The following ADGRE2 variants were observed in gnomAD, a reference collection of about 807,000 sequenced individuals.
ADGRE2 encodes the protein CD97 antigen.
A neutral mutation model predicts 100.8 loss-of-function variants in ADGRE2; 83 were observed. That is an observed-to-expected ratio of 0.82 (90% CI 0.69 to 0.99). ADGRE2 has a LOEUF of 0.99. Ranked by LOEUF, ADGRE2 falls within the 50% of genes least tolerant of loss-of-function variation. The pLI, the probability that ADGRE2 is intolerant of heterozygous loss-of-function variation, is 0.00. For synonymous variants in ADGRE2, 355 were observed against 413.0 expected, an observed-to-expected ratio of 0.86 and a Z score of 1.70; for missense variants, 814 against 1,035.7, an observed-to-expected ratio of 0.79 and a Z score of 2.94.
chr19:14,726,839 C>T, the ADGRE2 span, among the ~76,000 whole-genome samples: 1 of 152,140 alleles, frequency 6.6e-6, no homozygotes, highest in African/African-American at 2.4e-5. Flanking sequence ...TTTAACCAGT[C>T]TCCAAGAAGT....
At chr19:14,775,394 A>C (rs765192061) in intron 2 of ADGRE2, among the ~76,000 whole-genome samples, 2 of 151,656 alleles carry the variant, frequency 1.3e-5, no homozygotes, top group Non-Finnish European at 2.9e-5. Context: ...GCCTCAAGCG[A>C]TCCTCCTGCC....
At position 14,734,040 on chromosome 19, in the gene ADGRE2, A is replaced by G. The variant is rs1356102402; in HGVS notation, c.*2196T>C. Reference sequence around the variant, plus strand: ...CTGAGTTGACAAAGCAATGCTCTGTAATGTTTTGGTTCTTATAAAAAGGTG... The same window carrying G: ...CTGAGTTGACAAAGCAATGCTCTGTGATGTTTTGGTTCTTATAAAAAGGTG... On this transcript the variant is annotated 3_prime_UTR_variant, in exon 21 of 21. Coordinates refer to ENST00000315576, the MANE Select transcript of ADGRE2 (RefSeq NM_013447.4). 1 of 152,180 alleles carries G rather than the reference A, an allele frequency of 6.6e-6. No individual in the cohort carries two copies. The highest frequency in any genetic ancestry group is 1.5e-5 in the Non-Finnish European group (1 of 68,086). 9.4% of individuals were successfully genotyped at this position (152,180 alleles called of 1,614,324 possible). A position where few individuals can be genotyped will look rare whatever the true frequency, so the allele number is the denominator to read the frequency against.
chr19:14,728,463 G>A (rs896583972), downstream of ADGRE2, among the ~76,000 whole-genome samples: 1 of 152,090 alleles, frequency 6.6e-6, no homozygotes, highest in Admixed American at 6.6e-5. Context: ...TTTTTAAATG[G>A]TCATGTTATC....
chr19:14,749,888 T>C lies in ADGRE2; in HGVS notation c.2024+1548A>G, dbSNP rs958289396. On this transcript the variant is annotated intron_variant, in intron 16 of 20. Transcript: ENST00000315576. ...TACATAATTATTTATAGCTATGTTA[T>C]GTAATTATTCATAGTTACATAATTA... Among the ~76,000 whole-genome samples, 2 of 43,758 alleles carry C rather than the reference T, an allele frequency of 4.6e-5. 1 individual carries two copies. Among genetic ancestry groups the C allele is most frequent in the African/African-American group, 3.4e-4 (2 of 5,890 alleles). 28.7% of individuals were successfully genotyped at this position (43,758 alleles called of 152,430 possible).
intron 4 of ADGRE2, among the ~76,000 whole-genome samples, chr19:14,773,320 C>G (rs1221070021): frequency 1.4e-5 from 2 of 139,060 alleles, no homozygotes; most frequent in East Asian, 4.9e-4. Context: ...CTCCCTCCCT[C>G]CCTCCCTCCT....
chr19:14,765,494 C>T (rs376023031), intron 9 of ADGRE2, 30 bp downstream of exon 9: 62 of 1,612,988 alleles, frequency 3.8e-5, no homozygotes, highest in East Asian at 1.6e-4. Flanking sequence ...ATGGAGTTCC[C>T]GCCGCCTCGT....
At chr19:14,724,984 C>G in the ADGRE2 span, among the ~76,000 whole-genome samples, 6 of 152,216 alleles carry the variant, frequency 3.9e-5, no homozygotes, top group African/African-American at 1.4e-4. Context: ...AAAAGGAATA[C>G]CTGAGACTGG....
At chr19:14,771,091 G>C (rs2044191134) in intron 5 of ADGRE2, among the ~76,000 whole-genome samples, 1 of 152,086 alleles carries the variant, frequency 6.6e-6, no homozygotes, top group South Asian at 2.1e-4. Flanking sequence ...CCCCTGCTGG[G>C]CTCTATGCAG....
At chr19:14,751,366 T>G (rs2043277412) in intron 16 of ADGRE2, 70 bp downstream of exon 16, 7 of 1,171,866 alleles carry the variant, frequency 6.0e-6, no homozygotes, top group Non-Finnish European at 8.9e-6. Flanking sequence ...GTCATAAAAA[T>G]GCTATCTAGG....
At chr19:14,741,965 A>T in intron 20 of ADGRE2, 1 of 398,574 alleles carries the variant, frequency 2.5e-6, no homozygotes, top group Non-Finnish European at 4.4e-6. Flanking sequence ...GAATTATCCC[A>T]TGCCATTGAG....
intron 4 of ADGRE2, among the ~76,000 whole-genome samples, chr19:14,773,098 A>AAAAAAAAAAAAG (rs1568627146): frequency 4.8e-5 from 4 of 84,128 alleles, no homozygotes; most frequent in African/African-American, 1.9e-4. Flanking sequence ...AAAAAAAAAA[A>AAAAAAAAAAAAG]CAAAAAAAAA....
chr19:14,726,056 G>A, the ADGRE2 span, among the ~76,000 whole-genome samples: 2 of 152,320 alleles, frequency 1.3e-5, no homozygotes, highest in Non-Finnish European at 2.9e-5. Context: ...TTGAAATCTA[G>A]GTGGAAGCCA....
intron 3 of ADGRE2, 75 bp downstream of exon 3, chr19:14,774,181 G>T (rs1163560032): frequency 2.6e-6 from 4 of 1,515,398 alleles, no homozygotes; most frequent in African/African-American, 2.7e-5. Context: ...TGGGCTGAAG[G>T]GGGCTGGGCG....
rs185991392 is a variant in ADGRE2 at position 14,735,844 on chromosome 19, T to C, written c.*392A>G. The C allele has an allele frequency of 5.9e-6, 1 of 168,820 alleles. No homozygotes were observed. The highest frequency in any genetic ancestry group is 1.3e-5 in the Non-Finnish European group (1 of 78,680). The allele number at this position is 168,820 out of a possible 1,614,324, so 10.5% of individuals were successfully genotyped here. A position where few individuals can be genotyped will look rare whatever the true frequency, so the allele number is the denominator to read the frequency against. Reference sequence around the variant, plus strand: ...GATCGTGGTGTGAACATTCTAGTCCTTTCAGATGTTGTCGGTATGAAAGTC... The same window carrying C: ...GATCGTGGTGTGAACATTCTAGTCCCTTCAGATGTTGTCGGTATGAAAGTC... On this transcript the variant is annotated 3_prime_UTR_variant, in exon 21 of 21. Coordinates refer to ENST00000315576, the MANE Select transcript of ADGRE2 (RefSeq NM_013447.4).
chr19:14,762,819 T>A (rs1283038381), intron 11 of ADGRE2, among the ~76,000 whole-genome samples: 1 of 151,782 alleles, frequency 6.6e-6, no homozygotes, highest in Non-Finnish European at 1.5e-5. Context: ...AATTTTTGTA[T>A]TTTCAGTAGA....
intron 6 of ADGRE2, among the ~76,000 whole-genome samples, chr19:14,766,701 C>T (rs989728125): frequency 6.6e-6 from 1 of 151,854 alleles, no homozygotes; most frequent in Admixed American, 6.6e-5. Context: ...CTTCTTAGAA[C>T]TGGAAGTGAC....
Position 14,764,554 on chromosome 19 carries a change from C to A in ADGRE2, c.963G>T (p.Leu321=). The A allele has an allele frequency of 1.9e-6, 3 of 1,612,912 alleles. No individual in the cohort carries two copies. The South Asian group carries it at 3.3e-5, about 18-fold the overall frequency. The change falls in exon 11 of 21, where the codon CTG becomes CTT. Residue 321 remains leucine (L), a synonymous_variant. Coordinates refer to ENST00000315576, the MANE Select transcript of ADGRE2 (RefSeq NM_013447.4). ...LLEAPGDLET[L]PRLQQHCVAS... ...CCACACAGTGCTGCTGTAAGCGGGG[C>A]AGGGTCTCCAGGTCCCCAGGGGCCT...
At chr19:14,748,928 T>C (rs8112145) in intron 16 of ADGRE2, among the ~76,000 whole-genome samples, 58,192 of 151,812 alleles carry the variant, frequency 0.38, 12,725 homozygotes, top group African/African-American at 0.59. Context: ...ATTAAAAGGA[T>C]TATATACCCT....
chr19:14,746,435 C>T (rs905108195), intron 17 of ADGRE2, 112 bp from the exon 18 acceptor site: 11 of 656,456 alleles, frequency 1.7e-5, no homozygotes, highest in Admixed American at 5.2e-5. Flanking sequence ...TGTGGCGGTG[C>T]AATCTCAGCT....
Sources: gnomAD v4.1 joint callset for allele counts (sites outside exome capture counted in the v4.1 genomes callset) on GRCh38, gnomAD v4.1.1 for gene constraint, MANE v1.5 for transcripts, NCBI Gene and HGNC (gene_info 2026-07-23, HGNC 2026-07-21) for gene names.